Variants in UBE2Q2 observed in about 807,000 individuals in gnomAD.
UBE2Q2 encodes the protein ubiquitin-conjugating enzyme E2 Q2.
A neutral mutation model predicts 59.9 loss-of-function variants in UBE2Q2; 54 were observed. The observed-to-expected ratio is 0.90, with a 90% CI of 0.72 to 1.13. The LOEUF is 1.13. UBE2Q2 is among the 50% of genes most tolerant of loss of function. UBE2Q2 has a pLI of 0.00. For missense variants in UBE2Q2, 433 were observed against 441.9 expected, an observed-to-expected ratio of 0.98 and a Z score of 0.18; for synonymous variants, 165 against 155.2, an observed-to-expected ratio of 1.06 and a Z score of -0.47.
At chr15:75,868,824 T>G in intron 3 of UBE2Q2, 127 bp from the exon 4 acceptor site, 1 of 656,706 alleles carries the variant, frequency 1.5e-6, no homozygotes. Flanking sequence ...ATTTTAATTT[T>G]AATAAACTGT....
At chr15:75,886,545 C>G (rs766120570) in intron 9 of UBE2Q2, among the ~76,000 whole-genome samples, 1 of 152,130 alleles carries the variant, frequency 6.6e-6, no homozygotes, top group East Asian at 1.9e-4. Context: ...AAAAAAAGAT[C>G]AAGGAAAAGA....
chr15:75,899,489 G>A lies in UBE2Q2; in HGVS notation c.*31G>A, dbSNP rs1001388167. ...TTGACTGTTGTATGTTTGGACTAAT[G>A]TTGCTTTAAAGAAAATCTTTCTAAC... is the stretch of plus-strand genomic sequence containing the variant. On this transcript the variant is annotated 3_prime_UTR_variant, in exon 13 of 13. Transcript: ENST00000267938. 1 of 1,577,082 alleles carries A rather than the reference G, an allele frequency of 6.3e-7. No homozygotes were observed. The highest frequency in any genetic ancestry group is 1.4e-5 in the African/African-American group (1 of 73,328).
At chr15:75,895,636 A>G (rs1005540445) in intron 11 of UBE2Q2, among the ~76,000 whole-genome samples, 4 of 152,160 alleles carry the variant, frequency 2.6e-5, no homozygotes, top group Non-Finnish European at 4.4e-5. Context: ...TGGCTCATGA[A>G]CATAATGGAG....
intron 3 of UBE2Q2, among the ~76,000 whole-genome samples, chr15:75,865,913 G>A (rs1243818501): frequency 6.6e-6 from 1 of 151,634 alleles, no homozygotes; most frequent in Admixed American, 6.6e-5. Context: ...TCTGTATAAA[G>A]TATTCCACAT....
rs1899676360 is a variant in UBE2Q2, at chr15:75,900,191, A to G, written c.*733A>G. 6.6e-6 allele frequency: 1 copy of G among 152,258 alleles called. No individual in the cohort carries two copies. Among genetic ancestry groups the G allele is most frequent in the Admixed American group, 6.5e-5 (1 of 15,292 alleles). The allele number at this position is 152,258 out of a possible 1,614,324, so 9.4% of individuals were successfully genotyped here. A position where few individuals can be genotyped will look rare whatever the true frequency, so the allele number is the denominator to read the frequency against. On this transcript the variant is annotated 3_prime_UTR_variant, in exon 13 of 13. Coordinates refer to ENST00000267938, the MANE Select transcript of UBE2Q2 (RefSeq NM_173469.4). The stretch of plus-strand genomic sequence containing the variant: ...GTTTCTTATGAACAAGAGCCACAGT[A>G]CAGAGCTTCAAGTTATTTAAAATAC...
At chr15:75,881,318 A>G (rs1161987687) in intron 8 of UBE2Q2, among the ~76,000 whole-genome samples, 1 of 151,514 alleles carries the variant, frequency 6.6e-6, no homozygotes, top group African/African-American at 2.4e-5. Flanking sequence ...TTACGGGAAT[A>G]TGAAATATTG....
chr15:75,890,316 T>C lies in UBE2Q2; in HGVS notation c.885-119T>C, dbSNP rs1222566341. ...TGTATCCCTAACAACTGTTGTCATG[T>C]TTGCATGTTATTTTCTCATCCTTAC... On this transcript the variant is annotated intron_variant, in intron 9 of 12. Coordinates refer to ENST00000267938, the MANE Select transcript of UBE2Q2 (RefSeq NM_173469.4). 5.6e-6 allele frequency: 4 copies of C among 710,588 alleles called. No homozygotes were observed. In the Admixed American group the frequency reaches 9.0e-5, roughly 16 times the overall value. 44.0% of individuals were successfully genotyped at this position (710,588 alleles called of 1,614,324 possible). A position where few individuals can be genotyped will look rare whatever the true frequency, so the allele number is the denominator to read the frequency against.
Position 75,890,460 on chromosome 15 carries a change from T to C in UBE2Q2, c.910T>C (p.Cys304Arg). The change falls in exon 10 of 13, where the codon TGT (cysteine) becomes CGT (arginine). Residue 304 changes from cysteine (C) to arginine (R), a missense_variant. Transcript: ENST00000267938. The part of the protein sequence containing the change: ...GGYVLGGGAL[C>R]MELLTKQGWS... The stretch of plus-strand genomic sequence containing the variant: ...GTATGTATTGGGTGGAGGAGCATTA[T>C]GTATGGAACTTCTCACAAAACAGGT... 1 of 1,608,282 alleles carries C rather than the reference T, an allele frequency of 6.2e-7. No homozygotes were observed. The highest frequency in any genetic ancestry group is 8.5e-7 in the Non-Finnish European group (1 of 1,178,810).
At chr15:75,898,094 TCTTGGC>T (rs1899532934) in intron 12 of UBE2Q2, among the ~76,000 whole-genome samples, 1 of 152,200 alleles carries the variant, frequency 6.6e-6, no homozygotes, top group Non-Finnish European at 1.5e-5. Context: ...ACTTTATAGA[TCTTGGC>T]ATATTCATAC....
At chr15:75,895,958 G>C (rs1899398316) in intron 11 of UBE2Q2, among the ~76,000 whole-genome samples, 1 of 152,182 alleles carries the variant, frequency 6.6e-6, no homozygotes, top group Non-Finnish European at 1.5e-5. Flanking sequence ...GAGAAACCCT[G>C]ATGTCCACCA....
At chr15:75,859,787 C>T (rs1897115818) in intron 2 of UBE2Q2, 91 bp from the exon 3 acceptor site, 5 of 845,648 alleles carry the variant, frequency 5.9e-6, no homozygotes, top group Non-Finnish European at 8.7e-6. Context: ...TTTTTCATTT[C>T]CTACTGGATT....
Position 75,843,739 on chromosome 15 carries a change from C to T in UBE2Q2, c.73C>T (p.Arg25Cys). 1 of 1,611,612 alleles carries T rather than the reference C, an allele frequency of 6.2e-7. No homozygotes were observed. The highest frequency in any genetic ancestry group is 8.5e-7 in the Non-Finnish European group (1 of 1,179,086). The change falls in exon 1 of 13, where the codon CGC (arginine) becomes TGC (cysteine). Residue 25 changes from arginine to cysteine, a missense_variant. Coordinates refer to ENST00000267938, the MANE Select transcript of UBE2Q2 (RefSeq NM_173469.4). ...SIFDKNHERF[R>C]IVSWKLDELH... is the part of the protein sequence containing the mutation. Reference sequence around the variant, plus strand: ...CTTCGACAAGAACCACGAGCGATTCCGCATCGTCAGTTGGAAGCTGGACGA... The same window carrying T: ...CTTCGACAAGAACCACGAGCGATTCTGCATCGTCAGTTGGAAGCTGGACGA...
intron 2 of UBE2Q2, among the ~76,000 whole-genome samples, chr15:75,857,847 G>A (rs1323716589): frequency 2.0e-5 from 3 of 150,860 alleles, no homozygotes; most frequent in Non-Finnish European, 2.9e-5. Context: ...ATAAAATATT[G>A]TGTATAATTG....
chr15:75,876,065 CAAAAAAAAA>C (rs33923600), intron 5 of UBE2Q2, 113 bp from the exon 6 acceptor site: 4 of 535,018 alleles, frequency 7.5e-6, no homozygotes, highest in Non-Finnish European at 5.8e-6. Flanking sequence ...ACTCCATCTC[CAAAAAAAAA>C]AAAAAAAAAT....
chr15:75,860,114 T>A (rs1023379971), intron 3 of UBE2Q2, 132 bp downstream of exon 3: 10 of 710,984 alleles, frequency 1.4e-5, no homozygotes, highest in Non-Finnish European at 2.3e-5. Context: ...ATTGAATTGT[T>A]TTGTTTGTTC....
chr15:75,844,967 C>CAAA (rs76363124), intron 1 of UBE2Q2, among the ~76,000 whole-genome samples: 1 of 142,760 alleles, frequency 7.0e-6, no homozygotes, highest in African/African-American at 2.6e-5. Flanking sequence ...GTGTTAATTT[C>CAAA]AAAAAAAAAA....
Position 75,864,275 on chromosome 15 carries a change from A to G in UBE2Q2, c.387+4293A>G, listed in dbSNP as rs1020416. On this transcript the variant is annotated intron_variant, in intron 3 of 12. Coordinates refer to ENST00000267938, the MANE Select transcript of UBE2Q2 (RefSeq NM_173469.4). Reference sequence around the variant, plus strand: ...TTCCTAAGATCTAGGGTGTAGATCTAGTTTACACAGTAATTTTCAACTGGA... The same window carrying G: ...TTCCTAAGATCTAGGGTGTAGATCTGGTTTACACAGTAATTTTCAACTGGA... Among the ~76,000 whole-genome samples the G allele has an allele frequency of 3.1e-3, 251 of 81,146 alleles. 1 individual carries two copies. The highest frequency in any genetic ancestry group is 0.011 in the African/African-American group (237 of 21,942). The allele number at this position is 81,146 out of a possible 152,430, so 53.2% of individuals were successfully genotyped here.
intron 1 of UBE2Q2, among the ~76,000 whole-genome samples, chr15:75,846,748 A>G (rs140266249): frequency 2.6e-5 from 4 of 152,362 alleles, no homozygotes; most frequent in Non-Finnish European, 2.9e-5. Flanking sequence ...TTTGAATTCT[A>G]CATGCTAGGA....
At position 75,899,722 on chromosome 15, in the gene UBE2Q2, T is replaced by A. The variant is rs946059400; in HGVS notation, c.*264T>A. ...ATACTGGCCACTCCTTATCTCTTTT[T>A]CTTGAAAAGTGAACTTTTTAAAGCA... is the stretch of plus-strand genomic sequence containing the variant. On this transcript the variant is annotated 3_prime_UTR_variant, in exon 13 of 13. Transcript: ENST00000267938. 1.3e-5 allele frequency: 3 copies of A among 233,566 alleles called. No homozygotes were observed. The East Asian group carries it at 2.5e-4, about 20-fold the overall frequency. The allele number at this position is 233,566 out of a possible 1,614,324, so 14.5% of individuals were successfully genotyped here.
Sources: gnomAD v4.1 joint callset for allele counts (sites outside exome capture counted in the v4.1 genomes callset) on GRCh38, gnomAD v4.1.1 for gene constraint, MANE v1.5 for transcripts, NCBI Gene and HGNC (gene_info 2026-07-23, HGNC 2026-07-21) for gene names.